Variants in R3HDML observed in about 807,000 individuals in gnomAD.
R3HDML encodes R3H domain containing like.
R3HDML carries 21 observed loss-of-function variants against 24.2 expected under a neutral mutation model. That is an observed-to-expected ratio of 0.87 (90% CI 0.62 to 1.25). The LOEUF (loss-of-function observed/expected upper bound fraction) is 1.25. R3HDML is among the 50% of genes most tolerant of loss of function. The probability of loss-of-function intolerance (pLI) is 0.00; values close to 1 mark genes in which losing one functional copy is unlikely to be tolerated. For synonymous variants in R3HDML, 133 were observed against 131.5 expected (o/e 1.01, Z -0.08); for missense variants, 301 against 340.3 (o/e 0.88, Z 0.91).
Position 44,343,502 on chromosome 20 carries a change from A to G in R3HDML, c.506A>G (p.Tyr169Cys), listed in dbSNP as rs768327481. 1 of 1,605,902 alleles carries G rather than the reference A, an allele frequency of 6.2e-7. No individual in the cohort carries two copies. Residue 169 changes from tyrosine (Y) to cysteine (C), a missense_variant, in exon 3 of 5, where the codon TAT becomes TGT. Coordinates refer to ENST00000217043, the MANE Select transcript of R3HDML (RefSeq NM_178491.4). ...WRCDGPTCSHYTQMVWASSNR... is the reference protein window; with the variant it reads ...WRCDGPTCSHCTQMVWASSNR... ...TGCGATGGCCCCACCTGCTCCCATT[A>G]TACCCAGGTACTCCTCCGTCAGGGC...
At position 44,337,283 on chromosome 20, in the gene R3HDML, G is replaced by C; in HGVS notation, c.126G>C (p.Arg42=). 1 of 1,614,212 alleles carries C rather than the reference G, an allele frequency of 6.2e-7. No individual in the cohort carries two copies. Among genetic ancestry groups the C allele is most frequent in the Non-Finnish European group, 8.5e-7 (1 of 1,180,054 alleles). ...APAQPESTAM[R]LLSGLEVPRY... is the part of the protein sequence containing the mutation. ...CCCAGCCCGAGAGCACGGCTATGCGGCTCCTGAGTGGCCTGGAGGTGCCCA... is the reference window on the plus strand; with the variant it reads ...CCCAGCCCGAGAGCACGGCTATGCGCCTCCTGAGTGGCCTGGAGGTGCCCA... The change falls in exon 1 of 5, where the codon CGG becomes CGC. Residue 42 remains arginine (R), a synonymous_variant. Transcript: ENST00000217043. This position sits in a 1 kb window ranked among gnomAD's most constrained non-coding sequence, Gnocchi z 4.7.
rs1008116245 is a variant in R3HDML, at chr20:44,343,386, C to G, written c.390C>G (p.Ser130=). 8 of 1,610,672 alleles carry G rather than the reference C, an allele frequency of 5.0e-6. No individual in the cohort carries two copies. The Admixed American group carries it at 6.7e-5, about 14-fold the overall frequency. ...TCCCCCGCCTCCCCAGGTACCGGTCCGTAGTGGATCTCATGAAGTCCTGGT... is the reference window on the plus strand; with the variant it reads ...TCCCCCGCCTCCCCAGGTACCGGTCGGTAGTGGATCTCATGAAGTCCTGGT... ...NLSIHSGQYR[S]VVDLMKSWSE... The change falls in exon 3 of 5, where the codon TCC becomes TCG. Residue 130 remains serine, a synonymous_variant. Coordinates refer to ENST00000217043, the MANE Select transcript of R3HDML (RefSeq NM_178491.4).
At chr20:44,340,928 TGTAC>T (rs1334271560) in intron 1 of R3HDML, among the ~76,000 whole-genome samples, 1 of 152,228 alleles carries the variant, frequency 6.6e-6, no homozygotes, top group African/African-American at 2.4e-5. Context: ...TGAGAACTCC[TGTAC>T]GAACACCCTG....
At chr20:44,345,818 T>G (rs556365960) in intron 4 of R3HDML, among the ~76,000 whole-genome samples, 1 of 150,678 alleles carries the variant, frequency 6.6e-6, no homozygotes, top group Non-Finnish European at 1.5e-5. Context: ...CCATTTTTTC[T>G]TTCTTTCTTT....
chr20:44,337,519 C>T lies in R3HDML; in HGVS notation c.261+101C>T. ...AATGACTGGCTTTGAAGAGCTGGAC[C>T]ACTTGCCTGCCTGGCCCCACTAGCC... is the stretch of plus-strand genomic sequence containing the variant. On this transcript the variant is annotated intron_variant, in intron 1 of 4. Transcript: ENST00000217043. The surrounding 1 kb of genome is among the most constrained non-coding windows in gnomAD (Gnocchi z 4.7). The T allele has an allele frequency of 6.0e-6, 8 of 1,324,382 alleles. No individual in the cohort carries two copies. Among genetic ancestry groups the T allele is most frequent in the Non-Finnish European group, 8.4e-6 (8 of 955,038 alleles). The allele number at this position is 1,324,382 out of a possible 1,614,324, so 82.0% of individuals were successfully genotyped here. A position where few individuals can be genotyped will look rare whatever the true frequency, so the allele number is the denominator to read the frequency against.
chr20:44,341,102 G>T, intron 1 of R3HDML, 94 bp from the exon 2 acceptor site: 2 of 1,028,476 alleles, frequency 1.9e-6, no homozygotes, highest in South Asian at 2.9e-5. Flanking sequence ...GGGAGATGGG[G>T]TAGAAACGGC....
chr20:44,343,663 A>G (rs2062778281), intron 3 of R3HDML, among the ~76,000 whole-genome samples, 154 bp downstream of exon 3: 1 of 152,134 alleles, frequency 6.6e-6, no homozygotes, highest in South Asian at 2.1e-4. Flanking sequence ...TGTGTGCACA[A>G]TGAATTGAGG....
intron 4 of R3HDML, among the ~76,000 whole-genome samples, chr20:44,348,021 G>A (rs1320542607): frequency 6.9e-6 from 1 of 144,490 alleles, no homozygotes; most frequent in Admixed American, 7.1e-5. Context: ...CGGAAGTACA[G>A]TGGCATGGTC....
chr20:44,338,959 G>C (rs567042919), intron 1 of R3HDML, among the ~76,000 whole-genome samples: 2 of 151,420 alleles, frequency 1.3e-5, no homozygotes, highest in Non-Finnish European at 2.9e-5. Context: ...GTAATCCCAA[G>C]CTACTTGAGA....
chr20:44,341,866 C>G (rs2062773304), intron 2 of R3HDML, among the ~76,000 whole-genome samples: 1 of 151,940 alleles, frequency 6.6e-6, no homozygotes, highest in South Asian at 2.1e-4. Flanking sequence ...GCCTGAGTGA[C>G]AGAGTGAGAC....
At position 44,350,722 on chromosome 20, in the gene R3HDML, G is replaced by C; in HGVS notation, c.692G>C (p.Ser231Thr). ...MGKPCSSCPP[S>T]YQGSCNSNMC... ...AAGCCGTGCTCCTCCTGTCCCCCCAGTTATCAAGGCAGCTGCAATAGCAAC... is the reference window on the plus strand; with the variant it reads ...AAGCCGTGCTCCTCCTGTCCCCCCACTTATCAAGGCAGCTGCAATAGCAAC... Residue 231 changes from serine to threonine, a missense_variant, in exon 5 of 5, where the codon AGT (serine) becomes ACT (threonine). Transcript: ENST00000217043. 2 of 1,614,084 alleles carry C rather than the reference G, an allele frequency of 1.2e-6. No homozygotes were observed. Among genetic ancestry groups the C allele is most frequent in the Non-Finnish European group, 1.7e-6 (2 of 1,180,022 alleles).
In R3HDML at chr20:44,337,344, A is replaced by T. The variant is rs2062760443; in HGVS notation, c.187A>T (p.Met63Leu). 6.2e-7 allele frequency: 1 copy of T among 1,614,124 alleles called. No homozygotes were observed. Among genetic ancestry groups the T allele is most frequent in the Non-Finnish European group, 8.5e-7 (1 of 1,180,050 alleles). The stretch of plus-strand genomic sequence containing the variant: ...GAAGCGCCACATCTCTGTGAGAGAC[A>T]TGAATGCCTTACTGGATTATCACAA... ...RRKRHISVRD[M>L]NALLDYHNHI... is the part of the protein sequence containing the mutation. The change falls in exon 1 of 5, where the codon ATG becomes TTG. Residue 63 changes from methionine to leucine, a missense_variant. Transcript: ENST00000217043. This position sits in a 1 kb window ranked among gnomAD's most constrained non-coding sequence, Gnocchi z 4.7.
rs1228999878 is a variant in R3HDML, at chr20:44,350,554, C to A, written c.630-106C>A. On this transcript the variant is annotated intron_variant, in intron 4 of 4. Coordinates refer to ENST00000217043, the MANE Select transcript of R3HDML (RefSeq NM_178491.4). ...AACCAAGGCTTGCAGATGTGACTTG[C>A]CCCAGGTCCCCAGGGCTGGTCAGTG... 7 of 1,035,250 alleles carry A rather than the reference C, an allele frequency of 6.8e-6. No individual in the cohort carries two copies. In the African/African-American group the frequency reaches 8.3e-5, roughly 12 times the overall value. 64.1% of individuals were successfully genotyped at this position (1,035,250 alleles called of 1,614,324 possible).
At position 44,351,030 on chromosome 20, in the gene R3HDML, C is replaced by G; in HGVS notation, c.*238C>G. The G allele has an allele frequency of 2.2e-6, 1 of 452,754 alleles. No homozygotes were observed. Among genetic ancestry groups the G allele is most frequent in the Non-Finnish European group, 3.9e-6 (1 of 257,958 alleles). The allele number at this position is 452,754 out of a possible 1,614,324, so 28.0% of individuals were successfully genotyped here. A position where few individuals can be genotyped will look rare whatever the true frequency, so the allele number is the denominator to read the frequency against. On this transcript the variant is annotated 3_prime_UTR_variant, in exon 5 of 5. Transcript: ENST00000217043. ...CTTTTCTTGGGCCTCTGGGAAAGAG[C>G]CCTGCATCTTTCATTAATTCGGTTC...
intron 2 of R3HDML, 42 bp from the exon 3 acceptor site, chr20:44,343,335 C>T: frequency 6.3e-7 from 1 of 1,598,776 alleles, no homozygotes; most frequent in African/African-American, 1.3e-5. Context: ...GCCACTTTTC[C>T]ATCCTCTCAC....
intron 4 of R3HDML, 187 bp from the exon 5 acceptor site, chr20:44,350,473 G>C: frequency 2.1e-6 from 1 of 474,732 alleles, no homozygotes; most frequent in Non-Finnish European, 3.5e-6. Flanking sequence ...GTGAGCTATG[G>C]GTGACAGAGC....
intron 4 of R3HDML, 87 bp from the exon 5 acceptor site, chr20:44,350,573 G>C: frequency 7.3e-7 from 1 of 1,365,150 alleles, no homozygotes; most frequent in Non-Finnish European, 9.9e-7. Context: ...CCCAGGGCTG[G>C]TCAGTGGCAG....
chr20:44,349,648 G>A (rs1047410455), intron 4 of R3HDML, among the ~76,000 whole-genome samples: 5 of 152,194 alleles, frequency 3.3e-5, no homozygotes, highest in African/African-American at 9.7e-5. Context: ...CTGCTCAAAG[G>A]TGTGTTCATT....
At chr20:44,344,927 G>C (rs1000304322) in intron 3 of R3HDML, 1 of 287,190 alleles carries the variant, frequency 3.5e-6, no homozygotes, top group Non-Finnish European at 6.6e-6. Flanking sequence ...ACTTGACTGA[G>C]TGCAGTATGA....
Sources: allele counts gnomAD v4.1 joint callset (sites outside exome capture counted in the v4.1 genomes callset), GRCh38; gene constraint gnomAD v4.1.1; non-coding constraint Gnocchi (gnomAD v3.1); transcripts MANE v1.5; gene names NCBI Gene and HGNC (gene_info 2026-07-23, HGNC 2026-07-21).